The following CAPRIN1 variants were observed in gnomAD, a reference collection of about 807,000 sequenced individuals.
CAPRIN1 encodes the protein cell cycle associated protein 1.
CAPRIN1 carries 29 observed loss-of-function variants against 100.9 expected under a neutral mutation model. The ratio of observed to expected loss-of-function variants is 0.29; its 90% CI spans 0.21 to 0.39. The LOEUF (loss-of-function observed/expected upper bound fraction) is 0.39. Among genes scored for constraint, CAPRIN1 ranks in the 10% least tolerant of loss-of-function variants. CAPRIN1 has a pLI of 1.00. For synonymous variants in CAPRIN1, 338 were observed against 307.5 expected (o/e 1.10, Z -1.04); for missense variants, 795 against 876.7 (o/e 0.91, Z 1.18).
At chr11:34,053,388 C>G (rs1380116115) in intron 2 of CAPRIN1, 1 of 154,300 alleles carries the variant, frequency 6.5e-6, no homozygotes, top group Non-Finnish European at 1.4e-5. Flanking sequence ...GGGGGACTGC[C>G]ACGATTTAGA....
chr11:34,088,047 G>T (rs1285853818), intron 11 of CAPRIN1, among the ~76,000 whole-genome samples: 1 of 152,148 alleles, frequency 6.6e-6, no homozygotes, highest in African/African-American at 2.4e-5. Flanking sequence ...CGCCAGGCTG[G>T]AGTGCAGTGG....
chr11:34,075,893 A>G (rs541469917), intron 4 of CAPRIN1, among the ~76,000 whole-genome samples: 1 of 152,314 alleles, frequency 6.6e-6, no homozygotes, highest in Non-Finnish European at 1.5e-5. Context: ...CAGCTTGTAT[A>G]TTTATCATCT....
chr11:34,065,607 T>A (rs1850673299), intron 2 of CAPRIN1, among the ~76,000 whole-genome samples: 1 of 152,222 alleles, frequency 6.6e-6, no homozygotes, highest in South Asian at 2.1e-4. Flanking sequence ...TCTGCAGAGA[T>A]CTGATTATAT....
intron 2 of CAPRIN1, among the ~76,000 whole-genome samples, chr11:34,057,358 T>A (rs916313284): frequency 6.6e-6 from 1 of 152,226 alleles, no homozygotes; most frequent in Non-Finnish European, 1.5e-5. Context: ...CCCCAAGTGA[T>A]AATGGGTACC....
chr11:34,080,941 C>T (rs199513249), intron 7 of CAPRIN1, among the ~76,000 whole-genome samples: 3 of 152,174 alleles, frequency 2.0e-5, no homozygotes, highest in Non-Finnish European at 4.4e-5. Flanking sequence ...TACCACTTTA[C>T]TAAGTAAAGT....
rs1352469916 is a variant in CAPRIN1, at chr11:34,086,088, C to T, written c.991C>T (p.Pro331Ser). Residue 331 changes from proline to serine, a missense_variant, in exon 10 of 19, where the codon CCT becomes TCT. Physicochemically the swap from Pro to Ser is moderately conservative, Grantham distance 74. Around this residue, in one of 3 missense-constraint regions of CAPRIN1, gnomAD observed 648 missense variants for 697.9 expected, o/e 0.93. Transcript: ENST00000341394. ...GGTGGTAAATTCACTCCAGCAGCAACCTCAGGCTGCATCCCCTTCAGTACC... is the reference window on the plus strand; with the variant it reads ...GGTGGTAAATTCACTCCAGCAGCAATCTCAGGCTGCATCCCCTTCAGTACC... ...VEVVNSLQQQ[P>S]QAASPSVPEP... The T allele has an allele frequency of 6.2e-7, 1 of 1,614,010 alleles. No homozygotes were observed. Among genetic ancestry groups the T allele is most frequent in the Admixed American group, 1.7e-5 (1 of 59,984 alleles).
At chr11:34,066,204 A>G (rs1354256116) in intron 2 of CAPRIN1, among the ~76,000 whole-genome samples, 1 of 151,396 alleles carries the variant, frequency 6.6e-6, no homozygotes, top group Non-Finnish European at 1.5e-5. Flanking sequence ...TTGAACTCCT[A>G]CTCTTGAGCT....
rs200023008 is a variant in CAPRIN1 at position 34,089,371 on chromosome 11, A to C, written c.1232-24A>C. 3.4e-4 allele frequency: 516 copies of C among 1,531,386 alleles called. 1 individual carries two copies. Among genetic ancestry groups the C allele is most frequent in the Middle Eastern group, 1.0e-3 (6 of 5,742 alleles). The allele number at this position is 1,531,386 out of a possible 1,614,324, so 94.9% of individuals were successfully genotyped here. A position where few individuals can be genotyped will look rare whatever the true frequency, so the allele number is the denominator to read the frequency against. ...TCTAAAAATTTAATTTTGTTTGACA[A>C]AAATGTTTTGGTCACCTTTGCAGTT... On this transcript the variant is annotated intron_variant, in intron 11 of 18. Coordinates refer to ENST00000341394, the MANE Select transcript of CAPRIN1 (RefSeq NM_005898.5).
At position 34,092,038 on chromosome 11, in the gene CAPRIN1, C is replaced by T; in HGVS notation, c.1687C>T (p.Gln563Ter). 6.2e-7 allele frequency: 1 copy of T among 1,613,894 alleles called. No homozygotes were observed. Among genetic ancestry groups the T allele is most frequent in the Non-Finnish European group, 8.5e-7 (1 of 1,179,904 alleles). ...CCAAGTAGAACAAACAGAGCTTCAG[C>T]AAGAACAGCTTCAAACAGGTACGAA... is the stretch of plus-strand genomic sequence containing the variant. The part of the protein sequence containing the change: ...PHQVEQTELQ[Q>*]EQLQTVVGTY... Residue 563 changes from glutamine to a stop codon, truncating the protein, a stop_gained, in exon 15 of 19, where the codon CAA (glutamine) becomes TAA (stop). Transcript: ENST00000341394. LOFTEE classifies it high-confidence loss of function.
At chr11:34,062,341 T>C (rs1489955543) in intron 2 of CAPRIN1, among the ~76,000 whole-genome samples, 1 of 150,778 alleles carries the variant, frequency 6.6e-6, no homozygotes, top group African/African-American at 2.4e-5. Context: ...CTGGTAAAGA[T>C]TGGACCGGGC....
chr11:34,066,826 G>T (rs1462486091), intron 2 of CAPRIN1, among the ~76,000 whole-genome samples: 7 of 147,360 alleles, frequency 4.8e-5, no homozygotes, highest in African/African-American at 1.8e-4. Flanking sequence ...TAGAGTTAGG[G>T]TTTCACCATG....
intron 2 of CAPRIN1, among the ~76,000 whole-genome samples, chr11:34,067,963 T>A (rs1850731854): frequency 6.6e-6 from 1 of 152,226 alleles, no homozygotes; most frequent in African/African-American, 2.4e-5. Context: ...GTGTAACAGA[T>A]TAATCCAAAA....
Position 34,059,825 on chromosome 11 carries a change from G to GT in CAPRIN1, c.216+7195dup, listed in dbSNP as rs548058740. On this transcript the variant is annotated intron_variant, in intron 2 of 18. Coordinates refer to ENST00000341394, the MANE Select transcript of CAPRIN1 (RefSeq NM_005898.5). ...TTGAAATTGATTTTTTTCCTGAAGG[G>GT]TTTTTTACTTTTTACAGGTGTGTAG... 3.0e-3 allele frequency among the ~76,000 whole-genome samples: 446 copies of GT among 150,764 alleles called. 1 individual carries two copies. Among genetic ancestry groups the GT allele is most frequent in the Non-Finnish European group, 4.8e-3 (328 of 67,762 alleles).
chr11:34,097,541 TACA>T (rs1263342510), intron 17 of CAPRIN1, among the ~76,000 whole-genome samples, 154 bp from the exon 18 acceptor site: 2 of 152,200 alleles, frequency 1.3e-5, no homozygotes, highest in East Asian at 3.8e-4. Context: ...ATAGTAGAAG[TACA>T]ACAATTACAG....
At chr11:34,098,118 T>C in intron 18 of CAPRIN1, 1 of 1,002,440 alleles carries the variant, frequency 1.0e-6, no homozygotes, top group African/African-American at 1.7e-5. Flanking sequence ...GATTGAACAT[T>C]TATATAAATT....
intron 11 of CAPRIN1, among the ~76,000 whole-genome samples, chr11:34,088,913 C>T (rs1851203497): frequency 6.6e-6 from 1 of 152,058 alleles, no homozygotes; most frequent in Admixed American, 6.6e-5. Flanking sequence ...AAAATTTTAT[C>T]TGCATTTCCC....
At chr11:34,059,022 CA>C (rs2134085614) in intron 2 of CAPRIN1, among the ~76,000 whole-genome samples, 1 of 152,230 alleles carries the variant, frequency 6.6e-6, no homozygotes, top group South Asian at 2.1e-4. Flanking sequence ...GAAATTCATC[CA>C]AAGTTGGAAC....
At chr11:34,081,144 TGTAA>T (rs1335056276) in intron 7 of CAPRIN1, among the ~76,000 whole-genome samples, 1 of 152,202 alleles carries the variant, frequency 6.6e-6, no homozygotes, top group Non-Finnish European at 1.5e-5. Flanking sequence ...TAAATAAGTT[TGTAA>T]GTAAATTCAG....
chr11:34,061,882 A>G (rs967501517), intron 2 of CAPRIN1, among the ~76,000 whole-genome samples: 2 of 150,270 alleles, frequency 1.3e-5, no homozygotes, highest in African/African-American at 4.9e-5. Context: ...GAGGCAGGAG[A>G]ATCGCTGGAA....
Sources: allele counts gnomAD v4.1 joint callset (sites outside exome capture counted in the v4.1 genomes callset), GRCh38; gene constraint gnomAD v4.1.1; regional missense constraint gnomAD v4.1.1; transcripts MANE v1.5; gene names NCBI Gene and HGNC (gene_info 2026-07-23, HGNC 2026-07-21).